PSD3: variants seen among roughly 807,000 people sequenced by gnomAD.
The protein encoded by PSD3 is PH and SEC7 domain-containing protein 3.
A neutral mutation model predicts 105.5 loss-of-function variants in PSD3; 49 were observed. That is an observed-to-expected ratio of 0.46 (90% CI 0.37 to 0.59). The LOEUF (loss-of-function observed/expected upper bound fraction) is 0.59. Ranked by LOEUF, PSD3 falls within the 20% of genes least tolerant of loss-of-function variation. PSD3 has a pLI of 0.00. For synonymous variants in PSD3, 557 were observed against 457.8 expected (o/e 1.22, Z -2.77); for missense variants, 1,561 against 1,263.8 (o/e 1.24, Z -3.57).
intron 1 of PSD3, among the ~76,000 whole-genome samples, chr8:19,034,561 T>C (rs1827881169): frequency 6.6e-6 from 1 of 152,202 alleles, no homozygotes; most frequent in South Asian, 2.1e-4. Flanking sequence ...CTGACAGTCA[T>C]GCATCACTCG....
chr8:18,616,112 G>A (rs770339723), intron 11 of PSD3, among the ~76,000 whole-genome samples: 6 of 152,236 alleles, frequency 3.9e-5, no homozygotes, highest in Non-Finnish European at 7.3e-5. Flanking sequence ...CCTCATTACA[G>A]GGCGAGGGCT....
intron 15 of PSD3, among the ~76,000 whole-genome samples, chr8:18,537,583 G>A (rs888478960): frequency 1.3e-5 from 2 of 152,158 alleles, no homozygotes; most frequent in Non-Finnish European, 1.5e-5. Flanking sequence ...CCAGTAAGAC[G>A]TAAGGAAGAG....
intron 9 of PSD3, among the ~76,000 whole-genome samples, chr8:18,675,152 C>T (rs752013015): frequency 6.6e-6 from 1 of 152,146 alleles, no homozygotes; most frequent in Non-Finnish European, 1.5e-5. Context: ...GGACCTCAAC[C>T]CTTTAGATTT....
chr8:18,945,847 C>T (rs1455055227), intron 1 of PSD3, among the ~76,000 whole-genome samples: 1 of 94,276 alleles, frequency 1.1e-5, no homozygotes, highest in African/African-American at 3.9e-5. Context: ...CAGTGGTGCA[C>T]ACTTGTAATC....
At chr8:18,911,524 T>C (rs926474116) in intron 2 of PSD3, among the ~76,000 whole-genome samples, 37 of 152,208 alleles carry the variant, frequency 2.4e-4, no homozygotes, top group African/African-American at 8.4e-4. Context: ...ACCTCATCTA[T>C]AAAATGGGGG....
Position 18,968,609 on chromosome 8 carries a change from G to A in PSD3, c.22-32467C>T, listed in dbSNP as rs575975349. Among the ~76,000 whole-genome samples the A allele has an allele frequency of 4.1e-4, 62 of 152,302 alleles. No individual in the cohort carries two copies. The South Asian group carries it at 0.012, about 29-fold the overall frequency. ...GTTGTGGCCTGGGCCAGGTGTGGTGGCTCACGCCTGTAATCCCAGCACTTT... is the reference window on the plus strand; with the variant it reads ...GTTGTGGCCTGGGCCAGGTGTGGTGACTCACGCCTGTAATCCCAGCACTTT... On this transcript the variant is annotated intron_variant, in intron 1 of 15. Coordinates refer to ENST00000327040, the MANE Select transcript of PSD3 (RefSeq NM_015310.4).
At chr8:18,783,204 G>T (rs1373558224) in intron 8 of PSD3, among the ~76,000 whole-genome samples, 1 of 152,090 alleles carries the variant, frequency 6.6e-6, no homozygotes, top group Non-Finnish European at 1.5e-5. Context: ...TTCCTTTTGA[G>T]TTTCAGTAGT....
intron 9 of PSD3, among the ~76,000 whole-genome samples, chr8:18,750,766 T>C (rs1805415692): frequency 1.3e-5 from 2 of 152,032 alleles, no homozygotes; most frequent in Admixed American, 6.6e-5. Context: ...ATACAGAGTA[T>C]GGACACACAG....
intron 2 of PSD3, among the ~76,000 whole-genome samples, chr8:18,919,026 T>C (rs985793447): frequency 2.6e-5 from 4 of 152,150 alleles, no homozygotes; most frequent in African/African-American, 9.7e-5. Context: ...TTTTGCCTCT[T>C]GGATTCTTTT....
intron 1 of PSD3, among the ~76,000 whole-genome samples, chr8:19,074,630 T>C (rs1829399110): frequency 8.2e-6 from 1 of 122,042 alleles, no homozygotes; most frequent in Non-Finnish European, 1.7e-5. Context: ...TTTTTTTTTT[T>C]TTTTTTTTGA....
At chr8:18,681,043 G>C (rs976857172) in intron 9 of PSD3, among the ~76,000 whole-genome samples, 3 of 152,088 alleles carry the variant, frequency 2.0e-5, no homozygotes, top group African/African-American at 7.2e-5. Context: ...AAAGATGAAA[G>C]TTTCAAAGAA....
At chr8:18,677,467 C>G (rs776706806) in intron 9 of PSD3, among the ~76,000 whole-genome samples, 1 of 152,056 alleles carries the variant, frequency 6.6e-6, no homozygotes, top group Non-Finnish European at 1.5e-5. Context: ...ATTGCCTGAA[C>G]CCAGGAGGCA....
intron 1 of PSD3, among the ~76,000 whole-genome samples, chr8:18,992,656 T>G (rs1825865105): frequency 6.6e-6 from 1 of 152,220 alleles, no homozygotes; most frequent in African/African-American, 2.4e-5. Flanking sequence ...CTACTTCATT[T>G]TGTTAACTCT....
intron 4 of PSD3, among the ~76,000 whole-genome samples, chr8:18,840,210 C>A (rs1814501569): frequency 6.6e-6 from 1 of 152,154 alleles, no homozygotes; most frequent in Non-Finnish European, 1.5e-5. Flanking sequence ...AATGTCCCCC[C>A]CACATCATTC....
chr8:19,049,546 C>G (rs1342285767), intron 1 of PSD3, among the ~76,000 whole-genome samples: 1 of 152,050 alleles, frequency 6.6e-6, no homozygotes, highest in Middle Eastern at 3.4e-3. Context: ...AAAAAATTAG[C>G]CAGACATAGT....
intron 10 of PSD3, among the ~76,000 whole-genome samples, chr8:18,636,232 C>T (rs976082884): frequency 1.3e-5 from 2 of 151,974 alleles, no homozygotes; most frequent in African/African-American, 4.8e-5. Context: ...TATTTAAACT[C>T]TTAGGCTATA....
chr8:18,649,643 G>A (rs1022803820), intron 10 of PSD3, among the ~76,000 whole-genome samples: 3 of 152,146 alleles, frequency 2.0e-5, no homozygotes, highest in African/African-American at 7.2e-5. Context: ...AGATTTTAGA[G>A]GCGCCAGGGA....
At chr8:18,763,575 A>G (rs1340326592) in intron 9 of PSD3, among the ~76,000 whole-genome samples, 1 of 152,184 alleles carries the variant, frequency 6.6e-6, no homozygotes, top group African/African-American at 2.4e-5. Flanking sequence ...AGACACCAAA[A>G]GAAAAATAGA....
intron 14 of PSD3, among the ~76,000 whole-genome samples, chr8:18,569,570 G>A (rs1347304543): frequency 1.0e-5 from 1 of 96,620 alleles, no homozygotes; most frequent in African/African-American, 4.0e-5. Flanking sequence ...CCTCTTCCAG[G>A]AGAACTACCA....
Sources: allele counts gnomAD v4.1 joint callset (sites outside exome capture counted in the v4.1 genomes callset), GRCh38; gene constraint gnomAD v4.1.1; transcripts MANE v1.5; gene names NCBI Gene and HGNC (gene_info 2026-07-23, HGNC 2026-07-21).